The following SH3PXD2A variants were observed in gnomAD, a reference collection of about 807,000 sequenced individuals.
SH3PXD2A encodes SH3 and PX domain-containing protein 2A.
A neutral mutation model predicts 115.2 loss-of-function variants in SH3PXD2A; 32 were observed. That is an observed-to-expected ratio of 0.28 (90% confidence interval 0.21 to 0.37). The LOEUF (loss-of-function observed/expected upper bound fraction) is 0.37. SH3PXD2A is among the 10% of genes least tolerant of loss of function. The pLI is 1.00. For missense variants in SH3PXD2A, 1,328 were observed against 1,498.7 expected, an observed-to-expected ratio of 0.89 and a Z score of 1.88; for synonymous variants, 610 against 629.1, an observed-to-expected ratio of 0.97 and a Z score of 0.45.
chr10:103,604,145 A>T (rs541258094), intron 14 of SH3PXD2A, among the ~76,000 whole-genome samples: 2 of 152,228 alleles, frequency 1.3e-5, no homozygotes, highest in East Asian at 3.9e-4. Flanking sequence ...TGAAGAAAAC[A>T]CTGCCCTTCT....
At chr10:103,720,743 G>A (rs2038172319) in intron 5 of SH3PXD2A, among the ~76,000 whole-genome samples, 2 of 152,226 alleles carry the variant, frequency 1.3e-5, no homozygotes, top group African/African-American at 4.8e-5. Context: ...CCAAACAGCC[G>A]GAGAGGGAGG....
chr10:103,610,249 C>T lies in SH3PXD2A; in HGVS notation c.1308+1332G>A, dbSNP rs79696720. 7.0e-3 allele frequency among the ~76,000 whole-genome samples: 1,072 copies of T among 152,284 alleles called. 13 individuals are homozygous for T. The highest frequency in any genetic ancestry group is 0.024 in the African/African-American group (1,002 of 41,560). On this transcript the variant is annotated intron_variant, in intron 13 of 14. Coordinates refer to ENST00000369774, the MANE Select transcript of SH3PXD2A (RefSeq NM_001394015.1). Reference sequence around the variant, plus strand: ...GTGCAGCCGTGCATGTGAGCAGACACAGCCCAGGCTCAGCCCAGGCCACAT... The same window carrying T: ...GTGCAGCCGTGCATGTGAGCAGACATAGCCCAGGCTCAGCCCAGGCCACAT...
At chr10:103,606,048 G>A (rs2036295262) in intron 13 of SH3PXD2A, 131 bp from the exon 14 acceptor site, 1 of 833,318 alleles carries the variant, frequency 1.2e-6, no homozygotes, top group African/African-American at 1.7e-5. Context: ...CAGCTGGCCT[G>A]AGTACGTATC....
At chr10:103,723,840 T>A (rs2038209750) in intron 5 of SH3PXD2A, among the ~76,000 whole-genome samples, 1 of 152,252 alleles carries the variant, frequency 6.6e-6, no homozygotes, top group Non-Finnish European at 1.5e-5. Context: ...AGCCCAGGAC[T>A]GCTGTTATTT....
At chr10:103,691,585 G>T (rs1254670808) in intron 6 of SH3PXD2A, among the ~76,000 whole-genome samples, 2 of 152,240 alleles carry the variant, frequency 1.3e-5, no homozygotes, top group Non-Finnish European at 2.9e-5. Context: ...GTTCACAGGA[G>T]GAAATGGCCT....
At chr10:103,670,084 C>G (rs998104348) in intron 6 of SH3PXD2A, among the ~76,000 whole-genome samples, 12 of 152,224 alleles carry the variant, frequency 7.9e-5, no homozygotes, top group Non-Finnish European at 4.4e-5. Context: ...ATGCTGCTCT[C>G]TATTTAAAGC....
intron 2 of SH3PXD2A, among the ~76,000 whole-genome samples, chr10:103,778,732 T>C (rs2038904570): frequency 6.6e-6 from 1 of 152,224 alleles, no homozygotes; most frequent in Non-Finnish European, 1.5e-5. Context: ...TCCAGCCCTT[T>C]CTGCTTTCAG....
At position 103,752,938 on chromosome 10, in the gene SH3PXD2A, A is replaced by T. The variant is rs181947451; in HGVS notation, c.229+14156T>A. Reference sequence around the variant, plus strand: ...TGATAGATTAAGTGAAAGGTGACTGAGAAAATAATGTAATCTAGCTAAAAC... The same window carrying T: ...TGATAGATTAAGTGAAAGGTGACTGTGAAAATAATGTAATCTAGCTAAAAC... On this transcript the variant is annotated intron_variant, in intron 3 of 14. Coordinates refer to ENST00000369774, the MANE Select transcript of SH3PXD2A (RefSeq NM_001394015.1). 4.3e-3 allele frequency among the ~76,000 whole-genome samples: 661 copies of T among 152,326 alleles called. 1 individual carries two copies. The highest frequency in any genetic ancestry group is 7.4e-3 in the Non-Finnish European group (501 of 68,030).
At chr10:103,676,557 G>A (rs1418955730) in intron 6 of SH3PXD2A, among the ~76,000 whole-genome samples, 1 of 152,190 alleles carries the variant, frequency 6.6e-6, no homozygotes, top group Non-Finnish European at 1.5e-5. Flanking sequence ...GGGAGTAGCA[G>A]GTAGTTCTGT....
intron 3 of SH3PXD2A, among the ~76,000 whole-genome samples, chr10:103,748,523 C>T (rs10883904): frequency 0.049 from 7,506 of 152,284 alleles, 295 homozygotes; most frequent in South Asian, 0.11. Flanking sequence ...GTGATGGTGA[C>T]GGTCCCTGCC....
intron 1 of SH3PXD2A, among the ~76,000 whole-genome samples, chr10:103,849,473 G>A (rs6584578): frequency 2.0e-5 from 3 of 152,140 alleles, no homozygotes; most frequent in African/African-American, 7.3e-5. Context: ...GACTCTGACC[G>A]GCACCATGCA....
intron 6 of SH3PXD2A, among the ~76,000 whole-genome samples, chr10:103,681,191 C>G (rs1390015259): frequency 6.6e-6 from 1 of 152,046 alleles, no homozygotes; most frequent in Non-Finnish European, 1.5e-5. Flanking sequence ...GATAGCCATT[C>G]TCCAAGACTC....
intron 5 of SH3PXD2A, among the ~76,000 whole-genome samples, chr10:103,718,188 C>CTT (rs201212918): frequency 6.6e-6 from 1 of 150,926 alleles, no homozygotes; most frequent in Non-Finnish European, 1.5e-5. Context: ...TTTCTTTTTT[C>CTT]TTTTTTTTGT....
intron 10 of SH3PXD2A, among the ~76,000 whole-genome samples, chr10:103,619,735 G>A (rs1006416436): frequency 1.3e-5 from 2 of 152,224 alleles, no homozygotes; most frequent in African/African-American, 2.4e-5. Context: ...AGTTCTGGCC[G>A]GTAAAGTTGA....
rs566320199 is a variant in SH3PXD2A, at chr10:103,798,220, C to T, written c.153+3062G>A. On this transcript the variant is annotated intron_variant, in intron 2 of 14. Coordinates refer to ENST00000369774, the MANE Select transcript of SH3PXD2A (RefSeq NM_001394015.1). ...AGGGGTCAAAGGGGTGTCCAGGCCT[C>T]CTGTTGTTATCTGAATAGACCCCCA... is the stretch of plus-strand genomic sequence containing the variant. Among the ~76,000 whole-genome samples, 21 of 152,272 alleles carry T rather than the reference C, an allele frequency of 1.4e-4. No individual in the cohort carries two copies. The South Asian group carries it at 4.4e-3, about 32-fold the overall frequency.
chr10:103,657,428 G>A (rs1467372785), intron 8 of SH3PXD2A, among the ~76,000 whole-genome samples: 3 of 152,206 alleles, frequency 2.0e-5, no homozygotes, highest in African/African-American at 4.8e-5. Context: ...CTAAAGAGGA[G>A]GCGCCTTATG....
At position 103,612,841 on chromosome 10, in the gene SH3PXD2A, C is replaced by T. The variant is rs370064215; in HGVS notation, c.1258+12G>A. 66 of 1,529,456 alleles carry T rather than the reference C, an allele frequency of 4.3e-5. 1 individual carries two copies. In the South Asian group the frequency reaches 7.5e-4, roughly 17 times the overall value. The allele number at this position is 1,529,456 out of a possible 1,614,324, so 94.7% of individuals were successfully genotyped here. ...TTTGCAGTGAGGACCTAGAGGTCAG[C>T]GAGGCTCTTACTGATCTGGGCCCGC... On this transcript the variant is annotated intron_variant, in intron 12 of 14. Transcript: ENST00000369774.
rs1231866640 is a variant in SH3PXD2A, at chr10:103,622,429, G to A, written c.802+41C>T. 4 of 1,291,122 alleles carry A rather than the reference G, an allele frequency of 3.1e-6. No individual in the cohort carries two copies. In the Admixed American group the frequency reaches 7.9e-5, roughly 26 times the overall value. 80.0% of individuals were successfully genotyped at this position (1,291,122 alleles called of 1,614,324 possible). On this transcript the variant is annotated intron_variant, in intron 10 of 14. Transcript: ENST00000369774. The stretch of plus-strand genomic sequence containing the variant: ...AAAGAGCAGTGTTAGCGAGAGACAG[G>A]CGGTCGCTGCGAGGGAGGAGAAGCC...
Position 103,720,421 on chromosome 10 carries a change from T to A in SH3PXD2A, c.398+3849A>T, listed in dbSNP as rs557021601. On this transcript the variant is annotated intron_variant, in intron 5 of 14. Transcript: ENST00000369774. ...GCAGAAGCCAGCGAGTGGCCTGGGA[T>A]CAAAGCCGAGGCGCTCAGGCCTGCT... is the stretch of plus-strand genomic sequence containing the variant. 2.0e-5 allele frequency among the ~76,000 whole-genome samples: 3 copies of A among 152,264 alleles called. No homozygotes were observed. The South Asian group carries it at 6.2e-4, about 32-fold the overall frequency.
Sources: gnomAD v4.1 joint callset for allele counts (sites outside exome capture counted in the v4.1 genomes callset) on GRCh38, gnomAD v4.1.1 for gene constraint, MANE v1.5 for transcripts, NCBI Gene and HGNC (gene_info 2026-07-23, HGNC 2026-07-21) for gene names.